Variants in ZFYVE28 observed in about 807,000 individuals in gnomAD.
ZFYVE28 encodes lateral signaling target protein 2 homolog.
ZFYVE28 carries 40 observed loss-of-function variants against 82.1 expected under a neutral mutation model. That is an observed-to-expected ratio of 0.49 (90% CI 0.38 to 0.63). ZFYVE28 has a LOEUF of 0.63. Ranked by LOEUF, ZFYVE28 falls within the 30% of genes least tolerant of loss-of-function variation. The probability of loss-of-function intolerance (pLI) is 0.00; values close to 1 mark genes in which losing one functional copy is unlikely to be tolerated. For missense variants in ZFYVE28, 1,321 were observed against 1,242.1 expected (o/e 1.06, Z -0.96); for synonymous variants, 612 against 546.1 (o/e 1.12, Z -1.68).
intron 8 of ZFYVE28, among the ~76,000 whole-genome samples, chr4:2,294,002 T>C (rs961821421): frequency 6.6e-6 from 1 of 151,764 alleles, no homozygotes. Context: ...GAACCAGAAC[T>C]ATTATTAAGA....
chr4:2,378,997 A>G (rs1187566338), intron 1 of ZFYVE28, among the ~76,000 whole-genome samples: 1 of 152,104 alleles, frequency 6.6e-6, no homozygotes, highest in East Asian at 1.9e-4. Context: ...CTGCACCTGG[A>G]TGTTTCTGGG....
chr4:2,341,582 C>T lies in ZFYVE28; in HGVS notation c.214G>A (p.Asp72Asn). Residue 72 changes from aspartate to asparagine, a missense_variant, in exon 3 of 13, where the codon GAT becomes AAT. By Grantham distance (23) the Asp-to-Asn change is conservative (BLOSUM62 1). This residue lies in a region of ZFYVE28 where 343 missense variants were observed against 408.4 expected (regional missense o/e 0.84). Transcript: ENST00000290974. The surrounding 1 kb of genome is among the most constrained non-coding windows in gnomAD (Gnocchi z 4.5). ...NVLNIINQIM[D>N]ECIPQDRAPR... Reference sequence around the variant, plus strand: ...GCGCGGTCCTGGGGGATGCACTCATCCATGATCTGGTTAATGATGTTCAAC... The same window carrying T: ...GCGCGGTCCTGGGGGATGCACTCATTCATGATCTGGTTAATGATGTTCAAC... 1 of 1,613,814 alleles carries T rather than the reference C, an allele frequency of 6.2e-7. No homozygotes were observed. The highest frequency in any genetic ancestry group is 8.5e-7 in the Non-Finnish European group (1 of 1,179,804).
chr4:2,308,291 C>CT (rs1479239727), intron 7 of ZFYVE28, among the ~76,000 whole-genome samples: 2 of 151,972 alleles, frequency 1.3e-5, no homozygotes, highest in East Asian at 3.9e-4. Flanking sequence ...GGCCTTTGTT[C>CT]TTTTTTTATG....
rs1406698593 is a variant in ZFYVE28, at chr4:2,328,899, T to C, written c.701+6806A>G. ...AAGAGACTGTTCTTTCCTTATTGAATGATCTTGGCCCCCTTGTCAATAATC... is the reference window on the plus strand; with the variant it reads ...AAGAGACTGTTCTTTCCTTATTGAACGATCTTGGCCCCCTTGTCAATAATC... On this transcript the variant is annotated intron_variant, in intron 6 of 12. Transcript: ENST00000290974. 9 of 405,314 alleles carry C rather than the reference T, an allele frequency of 2.2e-5. No homozygotes were observed. In the East Asian group the frequency reaches 3.1e-4, roughly 14 times the overall value. The allele number at this position is 405,314 out of a possible 1,614,324, so 25.1% of individuals were successfully genotyped here. A position where few individuals can be genotyped will look rare whatever the true frequency, so the allele number is the denominator to read the frequency against.
At chr4:2,277,463 G>C (rs1028524032) in intron 8 of ZFYVE28, among the ~76,000 whole-genome samples, 2 of 152,150 alleles carry the variant, frequency 1.3e-5, no homozygotes, top group African/African-American at 4.8e-5. Flanking sequence ...CTGGGTGACA[G>C]AGTGAGACAC....
intron 1 of ZFYVE28, among the ~76,000 whole-genome samples, chr4:2,405,959 G>C (rs1731844437): frequency 6.6e-6 from 1 of 151,616 alleles, no homozygotes; most frequent in African/African-American, 2.4e-5. Context: ...TGAGGCAGGA[G>C]GATCACTTGA....
Position 2,404,309 on chromosome 4 carries a change from C to CA in ZFYVE28, c.39+13975dup, listed in dbSNP as rs55924862. Among the ~76,000 whole-genome samples, 390 of 66,516 alleles carry CA rather than the reference C, an allele frequency of 5.9e-3. 28 individuals carry two copies. The highest frequency in any genetic ancestry group is 0.042 in the East Asian group (94 of 2,240). The allele number at this position is 66,516 out of a possible 152,430, so 43.6% of individuals were successfully genotyped here. A position where few individuals can be genotyped will look rare whatever the true frequency, so the allele number is the denominator to read the frequency against. On this transcript the variant is annotated intron_variant, in intron 1 of 12. Coordinates refer to ENST00000290974, the MANE Select transcript of ZFYVE28 (RefSeq NM_020972.3). ...TGCAGGACGGAGCGAGACTCCGCCT[C>CA]AAAAAAAAAAAAAAAAAAACGCTGA...
intron 1 of ZFYVE28, among the ~76,000 whole-genome samples, chr4:2,360,180 G>C (rs1725923572): frequency 6.6e-6 from 1 of 151,664 alleles, no homozygotes; most frequent in Admixed American, 6.6e-5. Flanking sequence ...CGAGAACAGG[G>C]AAGCTCCGAG....
At chr4:2,382,894 A>G (rs1440201098) in intron 1 of ZFYVE28, among the ~76,000 whole-genome samples, 1 of 151,682 alleles carries the variant, frequency 6.6e-6, no homozygotes, top group Non-Finnish European at 1.5e-5. Context: ...CGGCAGCAGC[A>G]GGAGAAAATG....
intron 6 of ZFYVE28, chr4:2,330,697 A>G: frequency 6.9e-7 from 1 of 1,451,278 alleles, no homozygotes; most frequent in Non-Finnish European, 9.1e-7. Flanking sequence ...AGGACACTGG[A>G]GCAGAGGGGA....
intron 8 of ZFYVE28, among the ~76,000 whole-genome samples, chr4:2,279,140 C>G (rs1364707053): frequency 1.3e-5 from 2 of 152,182 alleles, no homozygotes; most frequent in African/African-American, 4.8e-5. Context: ...CTTATACATG[C>G]TACTGTGTGG....
intron 6 of ZFYVE28, among the ~76,000 whole-genome samples, chr4:2,327,183 G>A (rs1286703539): frequency 6.7e-6 from 1 of 149,440 alleles, no homozygotes; most frequent in Non-Finnish European, 1.5e-5. Flanking sequence ...CCAGTAGGTG[G>A]AGGTTGTAGT....
In ZFYVE28 at chr4:2,340,437, G is replaced by A. The variant is rs769543602; in HGVS notation, c.319-782C>T. On this transcript the variant is annotated intron_variant, in intron 3 of 12. Transcript: ENST00000290974. ...AGGCTTGTCTAGAGGCCGGGGCCTC[G>A]CCAGGTTTAGGATAGAACCAATCCA... Among the ~76,000 whole-genome samples, 4 of 152,210 alleles carry A rather than the reference G, an allele frequency of 2.6e-5. No individual in the cohort carries two copies. The East Asian group carries it at 5.8e-4, about 22-fold the overall frequency.
In ZFYVE28 at chr4:2,385,492, T is replaced by C. The variant is rs201799111; in HGVS notation, c.40-31419A>G. On this transcript the variant is annotated intron_variant, in intron 1 of 12. Coordinates refer to ENST00000290974, the MANE Select transcript of ZFYVE28 (RefSeq NM_020972.3). The stretch of plus-strand genomic sequence containing the variant: ...GGGATTTGAGACTAGGTCTCTGGAC[T>C]GTCAGCTGGGACCCTGAGCAACGCC... Among the ~76,000 whole-genome samples, 4 of 152,234 alleles carry C rather than the reference T, an allele frequency of 2.6e-5. No homozygotes were observed. The East Asian group carries it at 5.8e-4, about 22-fold the overall frequency.
intron 1 of ZFYVE28, among the ~76,000 whole-genome samples, chr4:2,392,090 G>A (rs1729899099): frequency 6.6e-6 from 1 of 151,362 alleles, no homozygotes; most frequent in Non-Finnish European, 1.5e-5. Context: ...GCAGGCAGAG[G>A]TTGCAGTGAG....
At chr4:2,308,600 CAG>C (rs539961492) in intron 7 of ZFYVE28, among the ~76,000 whole-genome samples, 6 of 99,102 alleles carry the variant, frequency 6.1e-5, no homozygotes, top group East Asian at 3.4e-4. Context: ...GAAGGAGAGA[CAG>C]AGAGAGAGAA....
In ZFYVE28 at chr4:2,274,152, G is replaced by A; in HGVS notation, c.2116C>T (p.His706Tyr). 1 of 1,613,826 alleles carries A rather than the reference G, an allele frequency of 6.2e-7. No individual in the cohort carries two copies. The highest frequency in any genetic ancestry group is 1.6e-4 in the Middle Eastern group (1 of 6,062). ...TCTCTTGTGGCCTGTGGGGCAGCAT[G>A]CGTGGCTGCTGGGGCCGCCTCTGGC... The part of the protein sequence containing the change: ...MGPEAAPAAT[H>Y]AAPQATREKI... The change falls in exon 9 of 13, where the codon CAT becomes TAT. Residue 706 changes from histidine (H) to tyrosine (Y), a missense_variant. His to Tyr is a moderately conservative substitution (Grantham distance 83). Around this residue, in one of 2 missense-constraint regions of ZFYVE28, gnomAD observed 978 missense variants for 833.7 expected, o/e 1.17. Coordinates refer to ENST00000290974, the MANE Select transcript of ZFYVE28 (RefSeq NM_020972.3).
intron 1 of ZFYVE28, among the ~76,000 whole-genome samples, chr4:2,361,532 A>T (rs1325973429): frequency 6.6e-6 from 1 of 151,898 alleles, no homozygotes; most frequent in Non-Finnish European, 1.5e-5. Context: ...GCACTACCCC[A>T]CCCACTGGGG....
chr4:2,371,671 A>G (rs1727568935), intron 1 of ZFYVE28, among the ~76,000 whole-genome samples: 2 of 152,220 alleles, frequency 1.3e-5, no homozygotes, highest in Non-Finnish European at 2.9e-5. Flanking sequence ...AACAAACAAA[A>G]AACAGAAAAC....
Sources: allele counts gnomAD v4.1 joint callset (sites outside exome capture counted in the v4.1 genomes callset), GRCh38; gene constraint gnomAD v4.1.1; regional missense constraint gnomAD v4.1.1; non-coding constraint Gnocchi (gnomAD v3.1); transcripts MANE v1.5; gene names NCBI Gene and HGNC (gene_info 2026-07-23, HGNC 2026-07-21).